Variants in PRIM2 observed in about 807,000 individuals in gnomAD.
PRIM2 encodes DNA primase large subunit.
PRIM2 carries 39 observed loss-of-function variants against 67.3 expected under a neutral mutation model. The observed-to-expected ratio is 0.58, with a 90% CI of 0.45 to 0.76. PRIM2 has a LOEUF of 0.76. Among genes scored for constraint, PRIM2 ranks in the 30% least tolerant of loss-of-function variants. The pLI is 0.00. For synonymous variants in PRIM2, 143 were observed against 198.7 expected (o/e 0.72, Z 2.36); for missense variants, 398 against 598.7 (o/e 0.66, Z 3.50).
At chr6:57,602,822 C>T (rs1353319580) in intron 11 of PRIM2, among the ~76,000 whole-genome samples, 1 of 152,164 alleles carries the variant, frequency 6.6e-6, no homozygotes, top group East Asian at 1.9e-4. Context: ...GAAACATTTA[C>T]TTATTCTGTT....
At chr6:57,468,752 CCTGA>C (rs1261377891) in intron 7 of PRIM2, among the ~76,000 whole-genome samples, 2 of 151,718 alleles carry the variant, frequency 1.3e-5, no homozygotes, top group African/African-American at 4.8e-5. Context: ...AACTTAGAAC[CCTGA>C]CTAATATATA....
the PRIM2 span, among the ~76,000 whole-genome samples, chr6:57,273,122 G>A: frequency 6.6e-6 from 1 of 151,966 alleles, no homozygotes; most frequent in African/African-American, 2.4e-5. Flanking sequence ...TGCTCTTCTC[G>A]AGGAGTATCT....
At chr6:57,578,352 C>A (rs1442954986) in intron 10 of PRIM2, among the ~76,000 whole-genome samples, 4 of 152,106 alleles carry the variant, frequency 2.6e-5, no homozygotes, top group African/African-American at 9.7e-5. Flanking sequence ...TGTTTCCCCA[C>A]TGATTTTTGT....
chr6:57,258,302 T>G, the PRIM2 span, among the ~76,000 whole-genome samples: 132 of 152,186 alleles, frequency 8.7e-4, no homozygotes, highest in Non-Finnish European at 1.7e-3. Context: ...CCCATAAAAC[T>G]TTCTCTTCTA....
At chr6:57,619,741 G>A (rs1323837807) in intron 12 of PRIM2, among the ~76,000 whole-genome samples, 1 of 152,096 alleles carries the variant, frequency 6.6e-6, no homozygotes, top group Non-Finnish European at 1.5e-5. Flanking sequence ...AAGAAAATAT[G>A]AACAAAGCCT....
the PRIM2 span, among the ~76,000 whole-genome samples, chr6:57,295,975 A>C: frequency 2.6e-5 from 4 of 152,334 alleles, no homozygotes; most frequent in African/African-American, 9.6e-5. Context: ...AGTCACAACC[A>C]TTTTGTGACA....
chr6:57,625,866 G>A (rs1449338370), intron 12 of PRIM2, among the ~76,000 whole-genome samples: 1 of 152,246 alleles, frequency 6.6e-6, no homozygotes, highest in African/African-American at 2.4e-5. Flanking sequence ...CAAGGCAGCA[G>A]CAGGCTAAGC....
At chr6:57,266,791 A>G in the PRIM2 span, among the ~76,000 whole-genome samples, 2 of 152,294 alleles carry the variant, frequency 1.3e-5, no homozygotes, top group South Asian at 4.1e-4. Flanking sequence ...ATTTTTGATC[A>G]GTGCCAATTT....
chr6:57,266,874 T>G, the PRIM2 span, among the ~76,000 whole-genome samples: 2 of 152,180 alleles, frequency 1.3e-5, no homozygotes, highest in Non-Finnish European at 2.9e-5. Context: ...AATAAATGAT[T>G]AAAAATAGTT....
chr6:57,301,844 T>C, the PRIM2 span, among the ~76,000 whole-genome samples: 3 of 152,210 alleles, frequency 2.0e-5, no homozygotes, highest in African/African-American at 7.2e-5. Flanking sequence ...AGAAAAAGAA[T>C]GGGAGAAATA....
At chr6:57,278,847 A>G in the PRIM2 span, among the ~76,000 whole-genome samples, 43 of 152,352 alleles carry the variant, frequency 2.8e-4, no homozygotes, top group South Asian at 8.5e-3. Context: ...CTAGGGAGAA[A>G]AAAAGATATA....
intron 5 of PRIM2, among the ~76,000 whole-genome samples, chr6:57,365,488 G>T (rs1769327394): frequency 6.6e-6 from 1 of 152,002 alleles, no homozygotes; most frequent in African/African-American, 2.4e-5. Flanking sequence ...ATCTTTTGAT[G>T]AATTTATTTT....
chr6:57,225,769 A>C, the PRIM2 span, among the ~76,000 whole-genome samples: 1 of 152,242 alleles, frequency 6.6e-6, no homozygotes, highest in Non-Finnish European at 1.5e-5. Context: ...TCCAAGAAAG[A>C]AAGCTTTGAA....
intron 5 of PRIM2, among the ~76,000 whole-genome samples, chr6:57,360,663 A>G (rs1769165579): frequency 6.6e-6 from 1 of 152,146 alleles, no homozygotes; most frequent in Non-Finnish European, 1.5e-5. Flanking sequence ...CTTTCTGGAT[A>G]CCTTAAGCTG....
the PRIM2 span, among the ~76,000 whole-genome samples, chr6:57,244,736 C>T: frequency 9.3e-6 from 1 of 108,018 alleles, no homozygotes; most frequent in Non-Finnish European, 2.0e-5. Flanking sequence ...AGCGAAACTC[C>T]ATCTCAAAAA....
At chr6:57,545,200 T>C (rs1223614460) in intron 10 of PRIM2, among the ~76,000 whole-genome samples, 3 of 152,102 alleles carry the variant, frequency 2.0e-5, no homozygotes, top group African/African-American at 7.2e-5. Flanking sequence ...AATATACAAA[T>C]ATACAAATAT....
Position 57,337,726 on chromosome 6 carries a change from T to C in PRIM2, c.459+11681T>C, listed in dbSNP as rs553506278. Among the ~76,000 whole-genome samples the C allele has an allele frequency of 5.3e-5, 8 of 151,912 alleles. No individual in the cohort carries two copies. In the South Asian group the frequency reaches 1.7e-3, roughly 32 times the overall value. ...ATTCAAAGCAGTGTGTAGAGGGAAA[T>C]ATATAGTGCTAAATGCCCACAAGAG... On this transcript the variant is annotated intron_variant, in intron 5 of 13. Transcript: ENST00000615550.
At chr6:57,227,168 A>G in the PRIM2 span, among the ~76,000 whole-genome samples, 2 of 152,176 alleles carry the variant, frequency 1.3e-5, no homozygotes, top group Non-Finnish European at 2.9e-5. Flanking sequence ...TCTAATGGAA[A>G]GGGCTGGACT....
the PRIM2 span, among the ~76,000 whole-genome samples, chr6:57,292,690 C>T: frequency 6.6e-6 from 1 of 152,280 alleles, no homozygotes; most frequent in African/African-American, 2.4e-5. Flanking sequence ...CACCACACAT[C>T]TACAGCCATC....
Sources: gnomAD v4.1 joint callset for allele counts (sites outside exome capture counted in the v4.1 genomes callset) on GRCh38, gnomAD v4.1.1 for gene constraint, MANE v1.5 for transcripts, NCBI Gene and HGNC (gene_info 2026-07-23, HGNC 2026-07-21) for gene names.